NAE1: variants seen among roughly 807,000 people sequenced by gnomAD.
NAE1 encodes the protein NEDD8 activating enzyme E1 subunit 1.
Under a neutral mutation model 88.0 loss-of-function variants are expected in NAE1, and 59 were observed. That is an observed-to-expected ratio of 0.67 (90% CI 0.54 to 0.83). The LOEUF (loss-of-function observed/expected upper bound fraction) is 0.83. Among genes scored for constraint, NAE1 ranks in the 40% least tolerant of loss-of-function variants. The pLI, the probability that NAE1 is intolerant of heterozygous loss-of-function variation, is 0.00. For synonymous variants in NAE1, 186 were observed against 208.9 expected, an observed-to-expected ratio of 0.89 and a Z score of 0.95; for missense variants, 554 against 632.8, an observed-to-expected ratio of 0.88 and a Z score of 1.34.
At chr16:66,823,632 A>G in intron 4 of NAE1, 32 bp from the exon 5 acceptor site, 1 of 1,567,320 alleles carries the variant, frequency 6.4e-7, no homozygotes, top group Non-Finnish European at 8.6e-7. Flanking sequence ...AACTTGAATT[A>G]GAAAAAACTT....
chr16:66,803,081 T>A lies in NAE1; in HGVS notation c.1533A>T (p.Lys511Asn). The change falls in exon 20 of 20, where the codon AAA (lysine) becomes AAT (asparagine). Residue 511 changes from lysine to asparagine, a missense_variant. Transcript: ENST00000290810. Reference sequence around the variant, plus strand: ...AAGTATTATTAAAAATTACAAATTGTTTGGTGATTATTTTGATGACCTCTT... The same window carrying A: ...AAGTATTATTAAAAATTACAAATTGATTGGTGATTATTTTGATGACCTCTT... ...AAQEVIKIIT[K>N]QFVIFNNTYI... The A allele has an allele frequency of 1.9e-6, 3 of 1,612,382 alleles. No homozygotes were observed. The highest frequency in any genetic ancestry group is 2.5e-6 in the Non-Finnish European group (3 of 1,179,132).
chr16:66,804,962 G>A (rs1567485681), intron 19 of NAE1, among the ~76,000 whole-genome samples: 2 of 152,148 alleles, frequency 1.3e-5, no homozygotes, highest in African/African-American at 2.4e-5. Context: ...ATAAGTCTAT[G>A]ATATTCTGTT....
At position 66,822,200 on chromosome 16, in the gene NAE1, AAAAC is replaced by A. The variant is rs1484367425; in HGVS notation, c.402-645_402-642del. Among the ~76,000 whole-genome samples the A allele has an allele frequency of 5.9e-5, 9 of 152,332 alleles. No individual in the cohort carries two copies. The East Asian group carries it at 7.7e-4, about 13-fold the overall frequency. On this transcript the variant is annotated intron_variant, in intron 6 of 19. Transcript: ENST00000290810. ...CAATTCTAACTAGTTTTTAATCACT[AAAAC>A]AAACAAAGAACAAAAACAACAACAA... is the stretch of plus-strand genomic sequence containing the variant.
At chr16:66,816,157 T>C (rs1960037669) in intron 11 of NAE1, among the ~76,000 whole-genome samples, 1 of 152,096 alleles carries the variant, frequency 6.6e-6, no homozygotes, top group Admixed American at 6.6e-5. Context: ...CCTCAACAAC[T>C]AAGCCATAAC....
intron 17 of NAE1, 134 bp downstream of exon 17, chr16:66,808,387 G>T: frequency 1.6e-6 from 1 of 636,562 alleles, no homozygotes; most frequent in East Asian, 3.0e-5. Flanking sequence ...TTCTTCACTG[G>T]GGAACGTTTG....
At chr16:66,811,699 G>T (rs931365186) in intron 13 of NAE1, among the ~76,000 whole-genome samples, 4 of 152,134 alleles carry the variant, frequency 2.6e-5, no homozygotes, top group Non-Finnish European at 5.9e-5. Flanking sequence ...ACTGCATCCG[G>T]CCATAAAAGT....
chr16:66,829,074 CT>C (rs1960589434), intron 1 of NAE1, among the ~76,000 whole-genome samples: 1 of 151,902 alleles, frequency 6.6e-6, no homozygotes, highest in Admixed American at 6.6e-5. Flanking sequence ...TCTCTACTAT[CT>C]TGCTGGCCCA....
chr16:66,817,997 T>C (rs897259419), intron 8 of NAE1, among the ~76,000 whole-genome samples: 1 of 152,222 alleles, frequency 6.6e-6, no homozygotes, highest in African/African-American at 2.4e-5. Context: ...TAGGTGTATA[T>C]ATTTATGGGG....
Position 66,810,416 on chromosome 16 carries a change from G to A in NAE1, c.1111-3C>T, listed in dbSNP as rs1182892676. ...TTCTCTGAAATGGACTCTGGTGCCT[G>A]TAAAGAGATAAATACAGATTCTGTT... On this transcript the variant is annotated splice_polypyrimidine_tract_variant and splice_region_variant and intron_variant, in intron 14 of 19. Transcript: ENST00000290810. 11 of 1,599,552 alleles carry A rather than the reference G, an allele frequency of 6.9e-6. No homozygotes were observed. The highest frequency in any genetic ancestry group is 3.4e-5 in the Admixed American group (2 of 58,646).
chr16:66,808,591 A>C lies in NAE1; in HGVS notation c.1260T>G (p.Asp420Glu). ...ACATTAAGTACAACACTATTTCATT[A>C]TCTGGATTGTCCATGCTAGAAACTG... ...DEIISSMDNP[D>E]NEIVLYLMLR... The change falls in exon 17 of 20, where the codon GAT becomes GAG. Residue 420 changes from aspartate (D) to glutamate (E), a missense_variant. Transcript: ENST00000290810. The C allele has an allele frequency of 6.2e-7, 1 of 1,607,674 alleles. No homozygotes were observed. Among genetic ancestry groups the C allele is most frequent in the Non-Finnish European group, 8.5e-7 (1 of 1,176,492 alleles).
intron 11 of NAE1, among the ~76,000 whole-genome samples, chr16:66,814,548 G>A (rs749225917): frequency 6.7e-6 from 1 of 148,564 alleles, no homozygotes; most frequent in Non-Finnish European, 1.5e-5. Context: ...AGCAGTGATT[G>A]TGTCACTGCA....
chr16:66,813,446 T>G, intron 13 of NAE1, 118 bp downstream of exon 13: 1 of 1,274,622 alleles, frequency 7.8e-7, no homozygotes. Context: ...TGGCCTAGTT[T>G]ATTTATAAGC....
At chr16:66,806,867 A>T (rs1959587469) in intron 17 of NAE1, among the ~76,000 whole-genome samples, 1 of 152,216 alleles carries the variant, frequency 6.6e-6, no homozygotes, top group African/African-American at 2.4e-5. Flanking sequence ...CAGAGAGATT[A>T]AGTTACTTAG....
intron 7 of NAE1, among the ~76,000 whole-genome samples, chr16:66,820,887 A>G: frequency 7.9e-6 from 1 of 126,656 alleles, no homozygotes; most frequent in African/African-American, 3.3e-5. Flanking sequence ...AGCAAAAGAG[A>G]GAGACTCCGT....
chr16:66,812,811 G>A (rs1476006510), intron 13 of NAE1, among the ~76,000 whole-genome samples: 1 of 148,690 alleles, frequency 6.7e-6, no homozygotes, highest in East Asian at 2.0e-4. Context: ...GAGCCACCAC[G>A]CCCGGCCTAA....
At chr16:66,810,655 C>T (rs376653476) in intron 14 of NAE1, 42 bp downstream of exon 14, 51 of 1,551,848 alleles carry the variant, frequency 3.3e-5, no homozygotes, top group Non-Finnish European at 4.2e-5. Context: ...GCTGGAGTTA[C>T]GTGCTGAGGC....
chr16:66,805,482 T>C, intron 19 of NAE1: 1 of 303,116 alleles, frequency 3.3e-6, no homozygotes, highest in Non-Finnish European at 5.9e-6. Flanking sequence ...CTACAAAAAA[T>C]TGAAAAATTA....
chr16:66,807,235 G>A (rs1567487187), intron 17 of NAE1, among the ~76,000 whole-genome samples: 2 of 152,130 alleles, frequency 1.3e-5, no homozygotes, highest in African/African-American at 4.8e-5. Context: ...GTTTTGAAGT[G>A]GTTTGTTATG....
chr16:66,808,795 T>C (rs1239055727), intron 16 of NAE1, 182 bp from the exon 17 acceptor site: 2 of 614,892 alleles, frequency 3.3e-6, no homozygotes, highest in South Asian at 2.4e-5. Context: ...GTGACCTAAA[T>C]ATGACTTTAT....
Sources: gnomAD v4.1 joint callset for allele counts (sites outside exome capture counted in the v4.1 genomes callset) on GRCh38, gnomAD v4.1.1 for gene constraint, MANE v1.5 for transcripts, NCBI Gene and HGNC (gene_info 2026-07-23, HGNC 2026-07-21) for gene names.